Variants in SPATS2 observed in about 807,000 individuals in gnomAD.
The protein encoded by SPATS2 is spermatogenesis associated serine rich 2.
A neutral mutation model predicts 63.7 loss-of-function variants in SPATS2; 38 were observed. That is an observed-to-expected ratio of 0.60 (90% CI 0.46 to 0.78). The LOEUF is 0.78. Ranked by LOEUF, SPATS2 falls within the 30% of genes least tolerant of loss-of-function variation. The pLI is 0.00. For synonymous variants in SPATS2, 207 were observed against 232.9 expected (o/e 0.89, Z 1.01); for missense variants, 588 against 666.2 (o/e 0.88, Z 1.29).
rs777828466 is a variant in SPATS2 at position 49,489,589 on chromosome 12, T to C, written c.214+16T>C. 5.2e-5 allele frequency: 82 copies of C among 1,588,726 alleles called. No individual in the cohort carries two copies. The highest frequency in any genetic ancestry group is 6.7e-5 in the Non-Finnish European group (78 of 1,165,560). ...TTCATGGAAGGTAATCCTGACTTAA[T>C]TTTAAAAATAAATTTATATTTGCTC... On this transcript the variant is annotated intron_variant, in intron 5 of 13. Transcript: ENST00000552918.
intron 2 of SPATS2, among the ~76,000 whole-genome samples, chr12:49,423,447 T>A (rs1369550323): frequency 6.6e-6 from 1 of 152,106 alleles, no homozygotes; most frequent in African/African-American, 2.4e-5. Flanking sequence ...CTCTATTTTT[T>A]AAAATCCCTT....
At position 49,522,870 on chromosome 12, in the gene SPATS2, G is replaced by A; in HGVS notation, c.1111+17G>A. 6.2e-7 allele frequency: 1 copy of A among 1,602,784 alleles called. No individual in the cohort carries two copies. Among genetic ancestry groups the A allele is most frequent in the Non-Finnish European group, 8.5e-7 (1 of 1,170,588 alleles). On this transcript the variant is annotated intron_variant, in intron 12 of 13. Transcript: ENST00000552918. ...TTGGACAAGGTGAGATGGTGAGAGG[G>A]TCTGGGCACTACAGGTGGTGATTAT...
At chr12:49,468,617 C>T (rs1945973890) in intron 3 of SPATS2, among the ~76,000 whole-genome samples, 1 of 152,062 alleles carries the variant, frequency 6.6e-6, no homozygotes, top group South Asian at 2.1e-4. Context: ...GCTGGGACTA[C>T]AGATACGTGT....
At chr12:49,405,887 G>T (rs1042113062) in intron 2 of SPATS2, among the ~76,000 whole-genome samples, 2 of 152,096 alleles carry the variant, frequency 1.3e-5, no homozygotes, top group African/African-American at 4.8e-5. Context: ...TCAGATAATT[G>T]ACATTTACTC....
rs188618777 is a variant in SPATS2 at position 49,404,123 on chromosome 12, G to A, written c.-244+32833G>A. On this transcript the variant is annotated intron_variant, in intron 2 of 13. Transcript: ENST00000552918. ...CCTGCTTGCATGGATTTACAATCTT[G>A]CAGGGAAGACAATTAAACCAGAAAT... Among the ~76,000 whole-genome samples the A allele has an allele frequency of 8.7e-4, 133 of 152,228 alleles. 2 individuals carry two copies. Among genetic ancestry groups the A allele is most frequent in the Admixed American group, 7.4e-3 (113 of 15,292 alleles).
chr12:49,410,891 T>G (rs913808257), intron 2 of SPATS2, among the ~76,000 whole-genome samples: 2 of 152,108 alleles, frequency 1.3e-5, no homozygotes, highest in Non-Finnish European at 2.9e-5. Context: ...TATTCTTTAA[T>G]GTGACTGAGT....
intron 2 of SPATS2, among the ~76,000 whole-genome samples, chr12:49,435,273 G>A (rs1469030713): frequency 3.3e-5 from 5 of 151,144 alleles, no homozygotes; most frequent in African/African-American, 9.7e-5. Context: ...CTCATGATCC[G>A]CCTGCCTCAG....
At chr12:49,524,369 G>A (rs771153812) in intron 12 of SPATS2, among the ~76,000 whole-genome samples, 3 of 152,200 alleles carry the variant, frequency 2.0e-5, no homozygotes, top group Admixed American at 6.5e-5. Flanking sequence ...TCAGCTGCTA[G>A]AGCCATAGTC....
At chr12:49,507,544 A>G (rs1592469121) in intron 9 of SPATS2, among the ~76,000 whole-genome samples, 1 of 152,176 alleles carries the variant, frequency 6.6e-6, no homozygotes, top group African/African-American at 2.4e-5. Context: ...TACTTTTACT[A>G]TATTGCCCAT....
intron 2 of SPATS2, among the ~76,000 whole-genome samples, chr12:49,399,411 G>A (rs1040598587): frequency 3.3e-5 from 5 of 152,240 alleles, no homozygotes; most frequent in African/African-American, 1.2e-4. Flanking sequence ...CTAGAAAAGA[G>A]AAATAAGCCC....
At chr12:49,377,408 ATTTGATACT>A (rs1944127910) in intron 2 of SPATS2, among the ~76,000 whole-genome samples, 1 of 152,166 alleles carries the variant, frequency 6.6e-6, no homozygotes, top group South Asian at 2.1e-4. Context: ...AAGGAAGGAT[ATTTGATACT>A]TTCATCCTGA....
At chr12:49,423,581 C>T (rs1341740627) in intron 2 of SPATS2, among the ~76,000 whole-genome samples, 2 of 152,138 alleles carry the variant, frequency 1.3e-5, no homozygotes, top group Non-Finnish European at 2.9e-5. Flanking sequence ...AGAGCATCAT[C>T]CTCCCACCCA....
At position 49,467,052 on chromosome 12, in the gene SPATS2, T is replaced by G. The variant is rs867023817; in HGVS notation, c.25+6015T>G. On this transcript the variant is annotated intron_variant, in intron 3 of 13. Transcript: ENST00000552918. Reference sequence around the variant, plus strand: ...TAAATAATTTGTTCTTTGTTTTTTTTTTTTTTTTTTTTTTTTTTGATGGAG... The same window carrying G: ...TAAATAATTTGTTCTTTGTTTTTTTGTTTTTTTTTTTTTTTTTTGATGGAG... Among the ~76,000 whole-genome samples, 126 of 124,308 alleles carry G rather than the reference T, an allele frequency of 1.0e-3. 1 individual carries two copies. Among genetic ancestry groups the G allele is most frequent in the South Asian group, 3.1e-3 (11 of 3,520 alleles). The allele number at this position is 124,308 out of a possible 152,430, so 81.6% of individuals were successfully genotyped here.
chr12:49,524,678 TCA>T lies in SPATS2; in HGVS notation c.1112-3_1112-2del. On this transcript the variant is annotated splice_acceptor_variant and splice_polypyrimidine_tract_variant and intron_variant, in intron 12 of 13. Coordinates refer to ENST00000552918, the MANE Select transcript of SPATS2 (RefSeq NM_023071.4). LOFTEE classifies it high-confidence loss of function. ...ATCATATATTCCTCATATTTCTGTT[TCA>T]GTGTCTCATCCAAAGAACAGCTATT... 1 of 1,614,146 alleles carries T rather than the reference TCA, an allele frequency of 6.2e-7. No homozygotes were observed. The highest frequency in any genetic ancestry group is 1.1e-5 in the South Asian group (1 of 91,072).
intron 6 of SPATS2, among the ~76,000 whole-genome samples, chr12:49,493,764 G>A (rs1946422145): frequency 6.6e-6 from 1 of 152,024 alleles, no homozygotes; most frequent in African/African-American, 2.4e-5. Context: ...CCACCCCCAA[G>A]GCAAACAGTA....
chr12:49,468,899 CTTTTA>C (rs767830848), intron 3 of SPATS2, among the ~76,000 whole-genome samples: 8 of 152,236 alleles, frequency 5.3e-5, no homozygotes, highest in South Asian at 2.1e-4. Flanking sequence ...CTTCTTTCTT[CTTTTA>C]TAAGTTCTGT....
intron 2 of SPATS2, among the ~76,000 whole-genome samples, chr12:49,452,360 A>G (rs531860613): frequency 3.3e-5 from 5 of 152,302 alleles, no homozygotes; most frequent in South Asian, 2.1e-4. Flanking sequence ...GCTGATTGCA[A>G]CCTTGACCTT....
At chr12:49,400,087 G>T (rs1944579585) in intron 2 of SPATS2, among the ~76,000 whole-genome samples, 2 of 152,172 alleles carry the variant, frequency 1.3e-5, no homozygotes, top group Non-Finnish European at 1.5e-5. Flanking sequence ...TAGAGTTACA[G>T]CTGTGAACAA....
At chr12:49,421,662 T>G (rs1192537218) in intron 2 of SPATS2, among the ~76,000 whole-genome samples, 1 of 152,170 alleles carries the variant, frequency 6.6e-6, no homozygotes, top group Non-Finnish European at 1.5e-5. Context: ...GTGTTATCAT[T>G]TTTGACAATA....
Sources: gnomAD v4.1 joint callset for allele counts (sites outside exome capture counted in the v4.1 genomes callset) on GRCh38, gnomAD v4.1.1 for gene constraint, MANE v1.5 for transcripts, NCBI Gene and HGNC (gene_info 2026-07-23, HGNC 2026-07-21) for gene names.